NLN: variants seen among roughly 807,000 people sequenced by gnomAD.
NLN encodes neurolysin, mitochondrial.
Under a neutral mutation model 79.9 loss-of-function variants are expected in NLN, and 64 were observed. The ratio of observed to expected loss-of-function variants is 0.80; its 90% CI spans 0.65 to 0.99. The LOEUF is 0.99. NLN is among the 50% of genes least tolerant of loss of function. The pLI is 0.00. For missense variants in NLN, 835 were observed against 858.7 expected, an observed-to-expected ratio of 0.97 and a Z score of 0.34; for synonymous variants, 267 against 296.6, an observed-to-expected ratio of 0.90 and a Z score of 1.02.
chr5:65,784,012 G>T (rs1213649675), intron 6 of NLN, among the ~76,000 whole-genome samples: 3 of 152,060 alleles, frequency 2.0e-5, no homozygotes, highest in Non-Finnish European at 2.9e-5. Flanking sequence ...TTACTCTCCA[G>T]TGTATGTATT....
intron 12 of NLN, among the ~76,000 whole-genome samples, chr5:65,818,360 G>T (rs1267336825): frequency 3.3e-5 from 5 of 152,014 alleles, no homozygotes; most frequent in African/African-American, 1.2e-4. Flanking sequence ...GGACCTGACG[G>T]TTTTCTCCAT....
chr5:65,795,824 A>T (rs528441746), intron 9 of NLN, among the ~76,000 whole-genome samples: 40 of 152,322 alleles, frequency 2.6e-4, no homozygotes, highest in East Asian at 5.8e-4. Context: ...ATTTAAAAAA[A>T]TTTTTTGTAA....
chr5:65,763,250 A>G, intron 3 of NLN, 142 bp downstream of exon 3: 1 of 672,196 alleles, frequency 1.5e-6, no homozygotes, highest in South Asian at 2.0e-5. Context: ...ATTATATAGT[A>G]TTACATAATG....
chr5:65,764,496 C>T (rs974167630), intron 3 of NLN, among the ~76,000 whole-genome samples: 1 of 152,146 alleles, frequency 6.6e-6, no homozygotes, highest in Non-Finnish European at 1.5e-5. Context: ...CACTGCACTC[C>T]AGCCTGGGCA....
chr5:65,769,292 G>A (rs1759518070), intron 3 of NLN, among the ~76,000 whole-genome samples: 1 of 152,150 alleles, frequency 6.6e-6, no homozygotes, highest in African/African-American at 2.4e-5. Context: ...TGGTTAATGG[G>A]AACCAAAAGG....
At chr5:65,810,734 C>T (rs1760526721) in intron 11 of NLN, among the ~76,000 whole-genome samples, 1 of 151,976 alleles carries the variant, frequency 6.6e-6, no homozygotes, top group Non-Finnish European at 1.5e-5. Flanking sequence ...AATCCCAGCA[C>T]TTTGGGAGGC....
At chr5:65,732,195 A>G (rs1320731442) in intron 1 of NLN, among the ~76,000 whole-genome samples, 1 of 152,236 alleles carries the variant, frequency 6.6e-6, no homozygotes, top group African/African-American at 2.4e-5. Flanking sequence ...CAAAACTGCA[A>G]GAAGTATAAA....
intron 9 of NLN, chr5:65,793,005 T>C (rs924247289): frequency 1.4e-5 from 5 of 366,026 alleles, no homozygotes; most frequent in African/African-American, 1.1e-4. Context: ...TCTCTTCTGC[T>C]TATCAATGCT....
chr5:65,753,984 G>A (rs1050490865), intron 1 of NLN, among the ~76,000 whole-genome samples: 9 of 152,152 alleles, frequency 5.9e-5, no homozygotes, highest in African/African-American at 2.2e-4. Context: ...CCAACACCAA[G>A]TATGTGAGAC....
chr5:65,731,578 G>C (rs1233574298), intron 1 of NLN, among the ~76,000 whole-genome samples: 1 of 152,042 alleles, frequency 6.6e-6, no homozygotes, highest in Non-Finnish European at 1.5e-5. Context: ...TTTTGGGGTA[G>C]ATTATTGTTG....
chr5:65,748,036 A>G (rs143072842), intron 1 of NLN, among the ~76,000 whole-genome samples: 2,347 of 152,292 alleles, frequency 0.015, 64 homozygotes, highest in African/African-American at 0.052. Flanking sequence ...CCCCGTCTCT[A>G]CTAAAAATAC....
chr5:65,802,370 G>A (rs1375708188), intron 9 of NLN, among the ~76,000 whole-genome samples: 4 of 152,214 alleles, frequency 2.6e-5, no homozygotes, highest in Admixed American at 6.5e-5. Flanking sequence ...AGCCGGACCA[G>A]GCGTACCACA....
chr5:65,748,514 C>T (rs1759034226), intron 1 of NLN, among the ~76,000 whole-genome samples: 1 of 151,884 alleles, frequency 6.6e-6, no homozygotes, highest in African/African-American at 2.4e-5. Flanking sequence ...AATCCCAGCA[C>T]TTTGGGAGGC....
rs1579931127 is a variant in NLN, at chr5:65,762,907, T to C, written c.302-53T>C. Reference sequence around the variant, plus strand: ...TCTGGGTATGAGGTATTTGGCTTAATACTGATTTGACAAGTCCTGTTGTGT... The same window carrying C: ...TCTGGGTATGAGGTATTTGGCTTAACACTGATTTGACAAGTCCTGTTGTGT... On this transcript the variant is annotated intron_variant, in intron 2 of 12. Transcript: ENST00000380985. 5 of 1,575,828 alleles carry C rather than the reference T, an allele frequency of 3.2e-6. No homozygotes were observed. The East Asian group carries it at 1.1e-4, about 35-fold the overall frequency.
At chr5:65,738,969 A>T (rs1322033707) in intron 1 of NLN, among the ~76,000 whole-genome samples, 1,093 of 58,588 alleles carry the variant, frequency 0.019, 5 homozygotes, top group Admixed American at 0.022. Context: ...ATGTATATAT[A>T]AATATATATA....
intron 11 of NLN, among the ~76,000 whole-genome samples, chr5:65,810,807 C>T (rs1048524498): frequency 3.9e-5 from 6 of 151,994 alleles, no homozygotes; most frequent in African/African-American, 7.3e-5. Context: ...TGGCAAAACC[C>T]GTCTCTACCA....
chr5:65,822,900 CCTGCATGCTCCGTGAA>C lies in NLN; in HGVS notation c.2104_*4del. ...AAAAAGCGTTCCTAATGAGTAGAGG[CCTGCATGCTCCGTGAA>C]CTGGGGATCTTTGGTAGCCGTCCAT... On this transcript the variant is annotated stop_lost and 3_prime_UTR_variant, in exon 13 of 13. Transcript: ENST00000380985. The C allele has an allele frequency of 6.2e-7, 1 of 1,613,574 alleles. No individual in the cohort carries two copies. The highest frequency in any genetic ancestry group is 1.1e-5 in the South Asian group (1 of 91,062).
rs147632897 is a variant in NLN at position 65,765,966 on chromosome 5, C to T, written c.450+2858C>T. Among the ~76,000 whole-genome samples the T allele has an allele frequency of 3.4e-3, 511 of 152,296 alleles. 3 individuals are homozygous for T. The highest frequency in any genetic ancestry group is 0.011 in the African/African-American group (471 of 41,550). Reference sequence around the variant, plus strand: ...AGTGAAATTACTTTTCATAATTCTTCATGCAATATGGGCTCCAGTTATCTA... The same window carrying T: ...AGTGAAATTACTTTTCATAATTCTTTATGCAATATGGGCTCCAGTTATCTA... On this transcript the variant is annotated intron_variant, in intron 3 of 12. Transcript: ENST00000380985.
intron 1 of NLN, among the ~76,000 whole-genome samples, chr5:65,736,565 C>T (rs1561179181): frequency 6.6e-6 from 1 of 152,168 alleles, no homozygotes; most frequent in African/African-American, 2.4e-5. Flanking sequence ...GATCCACTGT[C>T]CTTAGCAGCT....
Sources: gnomAD v4.1 joint callset for allele counts (sites outside exome capture counted in the v4.1 genomes callset) on GRCh38, gnomAD v4.1.1 for gene constraint, MANE v1.5 for transcripts, NCBI Gene and HGNC (gene_info 2026-07-23, HGNC 2026-07-21) for gene names.